The following BACH2 variants were observed in gnomAD, a reference collection of about 807,000 sequenced individuals.
BACH2 encodes BACH transcriptional regulator 2.
Under a neutral mutation model 61.8 loss-of-function variants are expected in BACH2, and 5 were observed. That is an observed-to-expected ratio of 0.08 (90% CI 0.04 to 0.17). BACH2 has a LOEUF of 0.17. BACH2 is among the 10% of genes least tolerant of loss of function. BACH2 has a pLI of 1.00. For missense variants in BACH2, 824 were observed against 1,091.1 expected, an observed-to-expected ratio of 0.76 and a Z score of 3.45; for synonymous variants, 446 against 440.1, an observed-to-expected ratio of 1.01 and a Z score of -0.17.
Position 90,146,061 on chromosome 6 carries a change from G to C in BACH2, c.-161-56952C>G, listed in dbSNP as rs908882322. On this transcript the variant is annotated intron_variant, in intron 4 of 8. Transcript: ENST00000257749. ...CATTAAATTCTATGTATAGACTTAT[G>C]TGCATGTGCACAGAAAGAGAATTCT... Among the ~76,000 whole-genome samples the C allele has an allele frequency of 3.3e-5, 5 of 152,330 alleles. No individual in the cohort carries two copies. In the South Asian group the frequency reaches 1.0e-3, roughly 32 times the overall value.
chr6:90,215,457 T>C (rs755917925), intron 3 of BACH2, among the ~76,000 whole-genome samples: 18 of 152,172 alleles, frequency 1.2e-4, no homozygotes, highest in Non-Finnish European at 2.5e-4. Context: ...GTGGCATCAA[T>C]GTCTTCTGGC....
At chr6:90,120,653 A>G (rs1053597945) in intron 4 of BACH2, among the ~76,000 whole-genome samples, 1 of 152,178 alleles carries the variant, frequency 6.6e-6, no homozygotes, top group Non-Finnish European at 1.5e-5. Flanking sequence ...GTTTTTACTG[A>G]TGAATTTTTG....
chr6:90,075,254 T>G (rs1361194143), intron 5 of BACH2, among the ~76,000 whole-genome samples: 1 of 152,152 alleles, frequency 6.6e-6, no homozygotes, highest in Non-Finnish European at 1.5e-5. Context: ...CTCACACAAC[T>G]CAGAGTCCCT....
intron 1 of BACH2, among the ~76,000 whole-genome samples, chr6:90,295,841 A>C: frequency 6.6e-6 from 1 of 152,136 alleles, no homozygotes; most frequent in Non-Finnish European, 1.5e-5. Context: ...CGAGGCCCCC[A>C]GCTCGCCTCT....
At chr6:90,254,679 A>G (rs1000791259) in intron 2 of BACH2, among the ~76,000 whole-genome samples, 1 of 152,136 alleles carries the variant, frequency 6.6e-6, no homozygotes, top group African/African-American at 2.4e-5. Context: ...CTTTTATCCT[A>G]CAATAAACAA....
chr6:89,996,158 G>A (rs759713521), intron 6 of BACH2, among the ~76,000 whole-genome samples: 2 of 152,156 alleles, frequency 1.3e-5, no homozygotes, highest in Non-Finnish European at 2.9e-5. Context: ...AAAGCACTAC[G>A]GATACGTATC....
At chr6:90,177,892 A>C (rs1272431257) in intron 4 of BACH2, among the ~76,000 whole-genome samples, 2 of 152,194 alleles carry the variant, frequency 1.3e-5, no homozygotes, top group Admixed American at 1.3e-4. Flanking sequence ...ATTGGCCTTG[A>C]AACATCTCTT....
At chr6:90,005,397 A>C (rs1030672158) in intron 6 of BACH2, among the ~76,000 whole-genome samples, 1 of 152,168 alleles carries the variant, frequency 6.6e-6, no homozygotes, top group Non-Finnish European at 1.5e-5. Flanking sequence ...ATGAGGTTTA[A>C]AGATTTCCAA....
chr6:90,138,488 GATCC>G (rs1784356949), intron 4 of BACH2, among the ~76,000 whole-genome samples: 2 of 151,790 alleles, frequency 1.3e-5, no homozygotes, highest in African/African-American at 4.8e-5. Flanking sequence ...GACAGAGTGA[GATCC>G]ATCTCAAAAA....
chr6:89,945,823 A>G (rs923998831), intron 7 of BACH2, among the ~76,000 whole-genome samples: 1 of 152,214 alleles, frequency 6.6e-6, no homozygotes, highest in Admixed American at 6.5e-5. Context: ...CGGTGCTCCC[A>G]GTTTTTTCTT....
intron 6 of BACH2, among the ~76,000 whole-genome samples, chr6:89,975,829 G>C (rs1414108233): frequency 6.6e-6 from 1 of 152,178 alleles, no homozygotes; most frequent in Non-Finnish European, 1.5e-5. Flanking sequence ...CCATCTTTCA[G>C]AGGTCCCAAT....
At chr6:90,061,069 G>A (rs1330339826) in intron 5 of BACH2, among the ~76,000 whole-genome samples, 1 of 152,152 alleles carries the variant, frequency 6.6e-6, no homozygotes, top group East Asian at 1.9e-4. Context: ...CTCTTTAAAA[G>A]TTTTTAGAAA....
At chr6:90,011,033 T>C (rs1777675781) in intron 5 of BACH2, among the ~76,000 whole-genome samples, 1 of 152,358 alleles carries the variant, frequency 6.6e-6, no homozygotes, top group African/African-American at 2.4e-5. Flanking sequence ...CTGTAGCTTG[T>C]CTTTTGATTC....
chr6:90,258,172 C>T (rs1771045287), intron 2 of BACH2, among the ~76,000 whole-genome samples: 1 of 152,140 alleles, frequency 6.6e-6, no homozygotes, highest in East Asian at 1.9e-4. Context: ...CCCCTATGTT[C>T]CTGTGTAGGA....
intron 1 of BACH2, among the ~76,000 whole-genome samples, chr6:90,278,390 ATGGAGACCTTTCCAGGCCG>A (rs1562539349): frequency 6.6e-6 from 1 of 152,228 alleles, no homozygotes; most frequent in East Asian, 1.9e-4. Context: ...CTTCCAGGCC[ATGGAGACCTTTCCAGGCCG>A]TGGAGACCTT....
intron 6 of BACH2, among the ~76,000 whole-genome samples, chr6:89,972,179 C>T (rs527723664): frequency 3.3e-4 from 50 of 152,300 alleles, no homozygotes; most frequent in East Asian, 2.5e-3. Flanking sequence ...AAGGTCCTTC[C>T]GTGTCCGCCG....
At chr6:90,166,732 A>G (rs1398886112) in intron 4 of BACH2, among the ~76,000 whole-genome samples, 4 of 152,216 alleles carry the variant, frequency 2.6e-5, no homozygotes, top group Admixed American at 2.6e-4. Flanking sequence ...GCCATAAAAA[A>G]TGATGAGTTC....
chr6:89,985,449 G>C (rs560402058), intron 6 of BACH2, among the ~76,000 whole-genome samples: 7 of 152,156 alleles, frequency 4.6e-5, no homozygotes, highest in Non-Finnish European at 1.0e-4. Flanking sequence ...GGAGGTGGCA[G>C]CAGTCCAGTG....
chr6:90,265,334 AC>A (rs1771289468), intron 2 of BACH2, among the ~76,000 whole-genome samples: 1 of 152,246 alleles, frequency 6.6e-6, no homozygotes, highest in African/African-American at 2.4e-5. Flanking sequence ...AAAATAGGAT[AC>A]TAAACCACTT....
Sources: allele counts gnomAD v4.1 joint callset (sites outside exome capture counted in the v4.1 genomes callset), GRCh38; gene constraint gnomAD v4.1.1; transcripts MANE v1.5; gene names NCBI Gene and HGNC (gene_info 2026-07-23, HGNC 2026-07-21).